USP34: variants seen among roughly 807,000 people sequenced by gnomAD.
The protein encoded by USP34 is ubiquitin carboxyl-terminal hydrolase 34.
Under a neutral mutation model 460.3 loss-of-function variants are expected in USP34, and 70 were observed. The observed-to-expected ratio is 0.15, with a 90% CI of 0.13 to 0.19. The LOEUF (loss-of-function observed/expected upper bound fraction) is 0.19, where lower values mean the gene tolerates loss of function less well. Ranked by LOEUF, USP34 falls within the 10% of genes least tolerant of loss-of-function variation. The pLI is 1.00. For missense variants in USP34, 3,985 were observed against 4,236.2 expected (o/e 0.94, Z 1.65); for synonymous variants, 1,647 against 1,405.3 (o/e 1.17, Z -3.85).
intron 3 of USP34, among the ~76,000 whole-genome samples, chr2:61,401,298 G>A (rs1470008990): frequency 2.0e-5 from 3 of 151,658 alleles, no homozygotes; most frequent in African/African-American, 4.8e-5. Context: ...TCATGCAGAG[G>A]CATGATCATA....
At chr2:61,259,851 C>G in intron 43 of USP34, 75 bp from the exon 44 acceptor site, 1 of 1,373,306 alleles carries the variant, frequency 7.3e-7, no homozygotes. Flanking sequence ...CAAAGAAAGT[C>G]TTGCAATGTA....
At chr2:61,375,427 A>T (rs1258158712) in intron 8 of USP34, among the ~76,000 whole-genome samples, 3 of 152,122 alleles carry the variant, frequency 2.0e-5, no homozygotes, top group Non-Finnish European at 4.4e-5. Context: ...ATATGATCAC[A>T]AAAGGACTTT....
chr2:61,429,009 G>C (rs1694588587), intron 1 of USP34, among the ~76,000 whole-genome samples: 1 of 152,164 alleles, frequency 6.6e-6, no homozygotes, highest in East Asian at 1.9e-4. Context: ...CATTAGAGTG[G>C]ATTGAGTTTA....
chr2:61,228,581 C>T (rs909375938), intron 61 of USP34, 64 bp downstream of exon 61: 21 of 1,479,030 alleles, frequency 1.4e-5, no homozygotes, highest in Admixed American at 7.8e-5. Flanking sequence ...CTCAGGACTT[C>T]GCACGATGCA....
intron 21 of USP34, among the ~76,000 whole-genome samples, chr2:61,324,955 G>A (rs115173467): frequency 6.6e-6 from 1 of 152,010 alleles, no homozygotes; most frequent in Non-Finnish European, 1.5e-5. Flanking sequence ...CAACATAAAT[G>A]GAACTGAAGG....
chr2:61,245,176 C>T (rs1333819348), intron 51 of USP34, 34 bp downstream of exon 51: 2 of 1,555,818 alleles, frequency 1.3e-6, no homozygotes, highest in South Asian at 2.3e-5. Context: ...CTTGGAAGGA[C>T]ACAAACCATT....
chr2:61,253,523 C>A (rs1688642210), intron 48 of USP34, among the ~76,000 whole-genome samples: 1 of 152,136 alleles, frequency 6.6e-6, no homozygotes, highest in Admixed American at 6.5e-5. Context: ...AACAACTTGC[C>A]CAACTACCCT....
intron 62 of USP34, among the ~76,000 whole-genome samples, chr2:61,224,237 TTG>T (rs1191898065): frequency 6.6e-6 from 1 of 152,230 alleles, no homozygotes; most frequent in Non-Finnish European, 1.5e-5. Context: ...CCCACCAGCT[TTG>T]TGTTTGCAAT....
chr2:61,275,593 A>G (rs1572892966), intron 41 of USP34, among the ~76,000 whole-genome samples: 1 of 150,924 alleles, frequency 6.6e-6, no homozygotes, highest in Non-Finnish European at 1.5e-5. Context: ...CCTGCACTGC[A>G]GCTTGAATAA....
At chr2:61,219,290 A>G (rs988727030) in intron 67 of USP34, among the ~76,000 whole-genome samples, 18 of 152,136 alleles carry the variant, frequency 1.2e-4, no homozygotes, top group African/African-American at 4.3e-4. Flanking sequence ...TATTCCACAC[A>G]CATCTTGTAT....
intron 58 of USP34, among the ~76,000 whole-genome samples, chr2:61,230,918 A>G (rs1394577153): frequency 1.3e-5 from 2 of 152,138 alleles, no homozygotes; most frequent in Non-Finnish European, 2.9e-5. Flanking sequence ...AGAAGTGACA[A>G]AGTATATCCA....
intron 10 of USP34, among the ~76,000 whole-genome samples, chr2:61,366,560 T>C (rs1692447654): frequency 6.6e-6 from 1 of 152,220 alleles, no homozygotes; most frequent in Non-Finnish European, 1.5e-5. Flanking sequence ...GGTACCACTG[T>C]ACATTCTCTC....
chr2:61,197,041 A>G (rs192490613), intron 75 of USP34, among the ~76,000 whole-genome samples: 58 of 152,312 alleles, frequency 3.8e-4, no homozygotes, highest in African/African-American at 1.3e-3. Context: ...TCGGGAGGCC[A>G]AGGTTGGTGG....
intron 18 of USP34, among the ~76,000 whole-genome samples, chr2:61,337,904 C>G (rs951478710): frequency 2.0e-5 from 3 of 152,078 alleles, no homozygotes; most frequent in African/African-American, 4.8e-5. Flanking sequence ...AATTATTGAA[C>G]CACTTATTAA....
At position 61,343,900 on chromosome 2, in the gene USP34, C is replaced by G; in HGVS notation, c.2415G>C (p.Gln805His). The G allele has an allele frequency of 6.2e-7, 1 of 1,613,946 alleles. No individual in the cohort carries two copies. Among genetic ancestry groups the G allele is most frequent in the Non-Finnish European group, 8.5e-7 (1 of 1,179,922 alleles). The change falls in exon 16 of 80, where the codon CAG (glutamine) becomes CAC (histidine). Residue 805 changes from glutamine (Q) to histidine (H), a missense_variant. Physicochemically the swap from Gln to His is conservative, Grantham distance 24. Coordinates refer to ENST00000398571, the MANE Select transcript of USP34 (RefSeq NM_014709.4). Reference sequence around the variant, plus strand: ...ATGTCAGTTCCGCATGTGAATTAATCTGAACTAGCTCCTCTTCACATCCAG... The same window carrying G: ...ATGTCAGTTCCGCATGTGAATTAATGTGAACTAGCTCCTCTTCACATCCAG... The part of the protein sequence containing the change: ...EESGCEEELV[Q>H]INSHAELTSH...
chr2:61,319,425 CAGAT>C (rs995231674), intron 21 of USP34, 98 bp from the exon 22 acceptor site: 8 of 787,798 alleles, frequency 1.0e-5, no homozygotes, highest in South Asian at 9.4e-5. Context: ...TCACTTAACA[CAGAT>C]AGGTTCTTGG....
chr2:61,228,892 G>A lies in USP34; in HGVS notation c.7303C>T (p.His2435Tyr). 6.2e-7 allele frequency: 1 copy of A among 1,608,370 alleles called. No individual in the cohort carries two copies. Among genetic ancestry groups the A allele is most frequent in the Non-Finnish European group, 8.5e-7 (1 of 1,177,700 alleles). ...AAATACTCTGTAAGATGTTTACTGT[G>A]AGGTTTTACACCATGTTCCATAATT... The part of the protein sequence containing the change: ...LLIMEHGVKP[H>Y]SKHLTEYFAF... The change falls in exon 60 of 80, where the codon CAC becomes TAC. Residue 2435 changes from histidine to tyrosine, a missense_variant. Physicochemically the swap from His to Tyr is moderately conservative, Grantham distance 83. Around this residue, in one of 14 missense-constraint regions of USP34, gnomAD observed 604 missense variants for 684.8 expected, o/e 0.88. Transcript: ENST00000398571.
chr2:61,285,790 C>A (rs1689672154), intron 34 of USP34, among the ~76,000 whole-genome samples: 1 of 152,162 alleles, frequency 6.6e-6, no homozygotes. Context: ...AGCATGGATT[C>A]TAGATTCAAA....
At chr2:61,303,200 G>A (rs1690283983) in intron 27 of USP34, among the ~76,000 whole-genome samples, 1 of 151,864 alleles carries the variant, frequency 6.6e-6, no homozygotes, top group African/African-American at 2.4e-5. Flanking sequence ...CTGAATAGCT[G>A]GGACTACAGG....
Sources: gnomAD v4.1 joint callset for allele counts (sites outside exome capture counted in the v4.1 genomes callset) on GRCh38, gnomAD v4.1.1 for gene constraint, gnomAD v4.1.1 regional missense constraint, MANE v1.5 for transcripts, NCBI Gene and HGNC (gene_info 2026-07-23, HGNC 2026-07-21) for gene names.